Variants in C12orf42 observed in about 807,000 individuals in gnomAD.
The protein encoded by C12orf42 is uncharacterized protein C12orf42.
In C12orf42, 25 loss-of-function variants were observed where a neutral mutation model predicts 21.6. The ratio of observed to expected loss-of-function variants is 1.16; its 90% CI spans 0.84 to 1.62. The LOEUF is 1.62. Ranked by LOEUF, C12orf42 falls within the 40% of genes most tolerant of loss-of-function variation. The probability of loss-of-function intolerance (pLI) is 0.00; values close to 1 mark genes in which losing one functional copy is unlikely to be tolerated. For missense variants in C12orf42, 483 were observed against 459.3 expected (o/e 1.05, Z -0.47); for synonymous variants, 174 against 175.0 (o/e 0.99, Z 0.05).
chr12:103,422,738 C>T (rs1396402709), intron 2 of C12orf42, among the ~76,000 whole-genome samples: 1 of 151,360 alleles, frequency 6.6e-6, no homozygotes, highest in Non-Finnish European at 1.5e-5. Context: ...TGGTAGAAAA[C>T]CAGCTCCAAA....
chr12:103,481,844 A>G (rs1954496129), intron 1 of C12orf42, among the ~76,000 whole-genome samples: 1 of 149,136 alleles, frequency 6.7e-6, no homozygotes, highest in Non-Finnish European at 1.5e-5. Context: ...TGACTAAATT[A>G]TTTTTTCTTT....
intron 3 of C12orf42, among the ~76,000 whole-genome samples, chr12:103,370,596 G>A (rs554260324): frequency 5.8e-4 from 89 of 152,200 alleles, no homozygotes; most frequent in African/African-American, 7.9e-4. Context: ...GGATGAAGCC[G>A]GAGGCCATTA....
At chr12:103,233,224 A>T (rs2136146564), downstream of C12orf42, among the ~76,000 whole-genome samples, 1 of 152,266 alleles carries the variant, frequency 6.6e-6, no homozygotes, top group Admixed American at 6.5e-5. Flanking sequence ...CTTGATTTGT[A>T]GATTTGTAGT....
the C12orf42 span, among the ~76,000 whole-genome samples, chr12:103,199,669 C>A: frequency 6.6e-6 from 1 of 152,084 alleles, no homozygotes; most frequent in South Asian, 2.1e-4. Flanking sequence ...AATAAACAAA[C>A]ATTTCTCTGA....
At chr12:103,051,616 T>G in the C12orf42 span, among the ~76,000 whole-genome samples, 1 of 152,158 alleles carries the variant, frequency 6.6e-6, no homozygotes, top group African/African-American at 2.4e-5. Flanking sequence ...TAAAAAGCCA[T>G]CCGCATTTAT....
intron 10 of C12orf42, among the ~76,000 whole-genome samples, chr12:103,260,740 T>A (rs995191062): frequency 6.6e-6 from 1 of 152,238 alleles, no homozygotes; most frequent in African/African-American, 2.4e-5. Flanking sequence ...AGGCATACCA[T>A]GCAAATGCAT....
chr12:103,113,112 A>G, the C12orf42 span, among the ~76,000 whole-genome samples: 1 of 151,882 alleles, frequency 6.6e-6, no homozygotes, highest in African/African-American at 2.4e-5. Flanking sequence ...TTTTTGGAAA[A>G]GATACTGGAA....
At chr12:103,205,177 T>C in the C12orf42 span, among the ~76,000 whole-genome samples, 3 of 152,158 alleles carry the variant, frequency 2.0e-5, no homozygotes, top group Non-Finnish European at 2.9e-5. Context: ...ACACTATTCG[T>C]TGGAAAATAA....
chr12:103,386,279 A>G (rs1835096669), intron 3 of C12orf42, among the ~76,000 whole-genome samples: 1 of 151,998 alleles, frequency 6.6e-6, no homozygotes, highest in South Asian at 2.1e-4. Context: ...AGCAGTAGCC[A>G]CCTCAAAGCT....
chr12:103,455,710 A>G (rs1008767949), intron 2 of C12orf42, among the ~76,000 whole-genome samples: 1 of 152,172 alleles, frequency 6.6e-6, no homozygotes, highest in African/African-American at 2.4e-5. Context: ...GCAGGAGAAG[A>G]AGAAACAAAT....
chr12:103,240,127 C>T (rs1017520972), intron 10 of C12orf42, among the ~76,000 whole-genome samples: 9 of 152,066 alleles, frequency 5.9e-5, no homozygotes, highest in South Asian at 2.1e-4. Context: ...ATATAATAAA[C>T]GTCAACATTT....
At chr12:103,295,926 C>T (rs539377196) in intron 4 of C12orf42, among the ~76,000 whole-genome samples, 4 of 151,814 alleles carry the variant, frequency 2.6e-5, no homozygotes, top group Non-Finnish European at 5.9e-5. Context: ...AGGTTTGTTA[C>T]ATATGTATAC....
intron 4 of C12orf42, among the ~76,000 whole-genome samples, chr12:103,321,583 C>A (rs1312953182): frequency 7.0e-6 from 1 of 142,802 alleles, no homozygotes; most frequent in Non-Finnish European, 1.5e-5. Context: ...TATTGCGGCA[C>A]TATTCACAAT....
At chr12:103,471,485 A>G (rs1295305590) in intron 2 of C12orf42, among the ~76,000 whole-genome samples, 5 of 152,226 alleles carry the variant, frequency 3.3e-5, no homozygotes, top group African/African-American at 1.2e-4. Flanking sequence ...AGCTATGTTG[A>G]GTTGTATGTT....
At chr12:103,169,990 G>T in the C12orf42 span, among the ~76,000 whole-genome samples, 1 of 152,066 alleles carries the variant, frequency 6.6e-6, no homozygotes, top group Non-Finnish European at 1.5e-5. Flanking sequence ...GTTTAATTTT[G>T]TATATAGAAG....
At chr12:103,197,952 TC>T in the C12orf42 span, among the ~76,000 whole-genome samples, 2 of 152,162 alleles carry the variant, frequency 1.3e-5, no homozygotes, top group African/African-American at 4.8e-5. Flanking sequence ...ACCCAGGTGT[TC>T]CCAGTCCACT....
At chr12:103,275,755 T>A (rs1276121842) in intron 5 of C12orf42, among the ~76,000 whole-genome samples, 1 of 152,002 alleles carries the variant, frequency 6.6e-6, no homozygotes, top group East Asian at 1.9e-4. Context: ...TTTTTTTTTT[T>A]TTTACTCAGG....
chr12:103,190,626 A>G, the C12orf42 span, among the ~76,000 whole-genome samples: 2 of 152,250 alleles, frequency 1.3e-5, no homozygotes, highest in African/African-American at 2.4e-5. Flanking sequence ...AATGCCATAT[A>G]GGGCTTCAAT....
chr12:103,289,938 T>G (rs1444481572), intron 4 of C12orf42, among the ~76,000 whole-genome samples: 1 of 152,164 alleles, frequency 6.6e-6, no homozygotes, highest in African/African-American at 2.4e-5. Context: ...GAGAAAACTA[T>G]GCAAAAAGTG....
Sources: allele counts gnomAD v4.1 joint callset (sites outside exome capture counted in the v4.1 genomes callset), GRCh38; gene constraint gnomAD v4.1.1; transcripts MANE v1.5; gene names NCBI Gene and HGNC (gene_info 2026-07-23, HGNC 2026-07-21).